Variants in SENP7 observed in about 807,000 individuals in gnomAD.
The protein encoded by SENP7 is SUMO specific peptidase 7.
SENP7 carries 64 observed loss-of-function variants against 141.2 expected under a neutral mutation model. The ratio of observed to expected loss-of-function variants is 0.45; its 90% CI spans 0.37 to 0.56. The LOEUF is 0.56. SENP7 is among the 20% of genes least tolerant of loss of function. SENP7 has a pLI of 0.00. For missense variants in SENP7, 1,025 were observed against 1,212.2 expected, an observed-to-expected ratio of 0.85 and a Z score of 2.29; for synonymous variants, 382 against 426.4, an observed-to-expected ratio of 0.90 and a Z score of 1.28.
At chr3:101,456,982 T>C (rs1205614886) in intron 4 of SENP7, among the ~76,000 whole-genome samples, 2 of 140,546 alleles carry the variant, frequency 1.4e-5, no homozygotes, top group Admixed American at 7.5e-5. Flanking sequence ...TTTTGTTTTG[T>C]TTTACTAGGC....
At chr3:101,463,360 AATAAATATATAT>A (rs1171667236) in intron 3 of SENP7, among the ~76,000 whole-genome samples, 11 of 46,974 alleles carry the variant, frequency 2.3e-4, no homozygotes, top group African/African-American at 8.5e-4. Flanking sequence ...TAAATAAATA[AATAAATATATAT>A]ATATATATAT....
At chr3:101,472,788 C>G (rs763687897) in intron 3 of SENP7, among the ~76,000 whole-genome samples, 9 of 151,810 alleles carry the variant, frequency 5.9e-5, no homozygotes, top group Non-Finnish European at 8.8e-5. Flanking sequence ...TTCAGAGGTA[C>G]CTGTGTAGGT....
At chr3:101,430,343 T>C (rs914815243) in intron 4 of SENP7, among the ~76,000 whole-genome samples, 1 of 152,208 alleles carries the variant, frequency 6.6e-6, no homozygotes, top group Non-Finnish European at 1.5e-5. Context: ...GGCAGGCTAT[T>C]AGTTATTGCC....
At chr3:101,400,731 A>G (rs1056719021) in intron 5 of SENP7, among the ~76,000 whole-genome samples, 3 of 73,652 alleles carry the variant, frequency 4.1e-5, no homozygotes, top group Non-Finnish European at 7.6e-5. Flanking sequence ...AATTATGCCA[A>G]TTCCAGCACT....
At chr3:101,350,704 T>C (rs2059591491) in intron 12 of SENP7, among the ~76,000 whole-genome samples, 1 of 152,072 alleles carries the variant, frequency 6.6e-6, no homozygotes, top group African/African-American at 2.4e-5. Context: ...GGTCTTTAAC[T>C]ATAAACTGTA....
At chr3:101,346,566 C>G (rs2059459127) in intron 13 of SENP7, among the ~76,000 whole-genome samples, 1 of 152,138 alleles carries the variant, frequency 6.6e-6, no homozygotes, top group African/African-American at 2.4e-5. Context: ...TGATGGAATA[C>G]TACTCAGCCA....
chr3:101,441,185 C>A (rs1179325644), intron 4 of SENP7, among the ~76,000 whole-genome samples: 1 of 152,144 alleles, frequency 6.6e-6, no homozygotes, highest in Non-Finnish European at 1.5e-5. Context: ...GGCCTGAGGA[C>A]AAGCCCATGC....
At chr3:101,455,870 C>A (rs909540655) in intron 4 of SENP7, among the ~76,000 whole-genome samples, 9 of 152,238 alleles carry the variant, frequency 5.9e-5, no homozygotes, top group African/African-American at 2.2e-4. Flanking sequence ...TCCTAACCAT[C>A]CCATTTCACC....
At chr3:101,492,596 T>C (rs1200669551) in intron 3 of SENP7, among the ~76,000 whole-genome samples, 1 of 152,006 alleles carries the variant, frequency 6.6e-6, no homozygotes, top group Non-Finnish European at 1.5e-5. Context: ...CTAATGTCCT[T>C]ATAAGAAGAA....
At chr3:101,344,013 C>G in intron 13 of SENP7, 59 bp from the exon 14 acceptor site, 2 of 1,106,520 alleles carry the variant, frequency 1.8e-6, no homozygotes, top group Non-Finnish European at 2.5e-6. Context: ...GATTATAATA[C>G]AAGTAATTTA....
In SENP7 at chr3:101,325,867, G is replaced by C; in HGVS notation, c.*76C>G. 7.5e-7 allele frequency: 1 copy of C among 1,339,926 alleles called. No individual in the cohort carries two copies. The highest frequency in any genetic ancestry group is 1.0e-6 in the Non-Finnish European group (1 of 997,538). The allele number at this position is 1,339,926 out of a possible 1,614,324, so 83.0% of individuals were successfully genotyped here. A position where few individuals can be genotyped will look rare whatever the true frequency, so the allele number is the denominator to read the frequency against. ...CTGCAAGTTATTTTCTTCTCTGTGA[G>C]CTGGCTAACACAAATGCTGGTAAGA... is the stretch of plus-strand genomic sequence containing the variant. On this transcript the variant is annotated 3_prime_UTR_variant, in exon 24 of 24. Transcript: ENST00000394095.
At chr3:101,454,389 G>A (rs1303988477) in intron 4 of SENP7, among the ~76,000 whole-genome samples, 1 of 152,102 alleles carries the variant, frequency 6.6e-6, no homozygotes, top group African/African-American at 2.4e-5. Flanking sequence ...GTGCGTGCCT[G>A]TAGTCCCAAC....
intron 11 of SENP7, chr3:101,357,971 C>T (rs892842330): frequency 6.1e-6 from 4 of 651,082 alleles, no homozygotes; most frequent in African/African-American, 1.8e-5. Context: ...CCCCTCACCC[C>T]TTTTTTCACA....
intron 19 of SENP7, among the ~76,000 whole-genome samples, chr3:101,331,067 T>C (rs530972314): frequency 7.2e-5 from 11 of 152,120 alleles, no homozygotes; most frequent in Admixed American, 5.3e-4. Flanking sequence ...TCAAGCATTG[T>C]CTGGAAATCA....
At chr3:101,429,645 T>G (rs760381052) in intron 4 of SENP7, among the ~76,000 whole-genome samples, 3 of 152,148 alleles carry the variant, frequency 2.0e-5, no homozygotes, top group Non-Finnish European at 2.9e-5. Flanking sequence ...ACAGAGACAA[T>G]TTGACTTCCT....
chr3:101,362,386 G>A lies in SENP7; in HGVS notation c.1477-525C>T, dbSNP rs576969034. On this transcript the variant is annotated intron_variant, in intron 10 of 23. Transcript: ENST00000394095. Reference sequence around the variant, plus strand: ...AAGCAAAACAAAGATTCAAATGCACGTTTCTCTCTCCAGGTCCAGTGTCAC... The same window carrying A: ...AAGCAAAACAAAGATTCAAATGCACATTTCTCTCTCCAGGTCCAGTGTCAC... Among the ~76,000 whole-genome samples the A allele has an allele frequency of 1.4e-4, 21 of 152,258 alleles. No homozygotes were observed. The South Asian group carries it at 2.7e-3, about 20-fold the overall frequency.
chr3:101,425,023 T>C (rs539108680), intron 4 of SENP7, among the ~76,000 whole-genome samples: 1 of 152,210 alleles, frequency 6.6e-6, no homozygotes, highest in South Asian at 2.1e-4. Context: ...TCCACCGCCA[T>C]GTAAGATGTT....
intron 4 of SENP7, among the ~76,000 whole-genome samples, chr3:101,443,279 C>T (rs1294625474): frequency 1.5e-4 from 23 of 151,996 alleles, no homozygotes; most frequent in African/African-American, 2.2e-4. Context: ...GCGTTATTTC[C>T]GAGGGCTCTG....
chr3:101,409,347 G>GA (rs2061391056), intron 5 of SENP7, among the ~76,000 whole-genome samples: 1 of 152,130 alleles, frequency 6.6e-6, no homozygotes, highest in Non-Finnish European at 1.5e-5. Flanking sequence ...TCAATATTGT[G>GA]AAAATGACCA....
Sources: gnomAD v4.1 joint callset for allele counts (sites outside exome capture counted in the v4.1 genomes callset) on GRCh38, gnomAD v4.1.1 for gene constraint, MANE v1.5 for transcripts, NCBI Gene and HGNC (gene_info 2026-07-23, HGNC 2026-07-21) for gene names.